JAG2: variants seen among roughly 807,000 people sequenced by gnomAD.
JAG2 encodes jagged canonical Notch ligand 2, also known as protein jagged-2.
JAG2 carries 46 observed loss-of-function variants against 141.7 expected under a neutral mutation model. The observed-to-expected ratio is 0.32, with a 90% CI of 0.26 to 0.42. The LOEUF (loss-of-function observed/expected upper bound fraction) is 0.42. Among genes scored for constraint, JAG2 ranks in the 10% least tolerant of loss-of-function variants. The pLI, the probability that JAG2 is intolerant of heterozygous loss-of-function variation, is 1.00. For synonymous variants in JAG2, 862 were observed against 763.5 expected (o/e 1.13, Z -2.13); for missense variants, 1,500 against 1,817.5 (o/e 0.83, Z 3.18).
chr14:105,161,246 G>GTTGGGGGTCTGAGT (rs1888739220), intron 2 of JAG2, among the ~76,000 whole-genome samples: 1 of 151,918 alleles, frequency 6.6e-6, no homozygotes, highest in African/African-American at 2.4e-5. Flanking sequence ...GTGAGGACTG[G>GTTGGGGGTCTGAGT]GACCCACCAG....
At position 105,168,030 on chromosome 14, in the gene JAG2, G is replaced by A. The variant is rs752405262; in HGVS notation, c.144C>T (p.Ala48=). 128 of 1,596,418 alleles carry A rather than the reference G, an allele frequency of 8.0e-5. No homozygotes were observed. In the Admixed American group the frequency reaches 2.0e-3, roughly 25 times the overall value. The change falls in exon 2 of 26, where the codon GCC becomes GCT. Residue 48 remains alanine (A), a synonymous_variant. Transcript: ENST00000331782. ...TTGTCCGGCCGTCGCCGTCACAGCAGGCGCCGCTCAGCAGCTCCCCGTTCA... is the reference window on the plus strand; with the variant it reads ...TTGTCCGGCCGTCGCCGTCACAGCAAGCGCCGCTCAGCAGCTCCCCGTTCA... ...RNVNGELLSG[A]CCDGDGRTTR...
In JAG2 at chr14:105,141,814, G is replaced by A. The variant is rs951136531; in HGVS notation, c.*881C>T. The A allele has an allele frequency of 5.2e-5, 8 of 152,588 alleles. No homozygotes were observed. Among genetic ancestry groups the A allele is most frequent in the African/African-American group, 1.7e-4 (7 of 41,486 alleles). 9.5% of individuals were successfully genotyped at this position (152,588 alleles called of 1,614,324 possible). On this transcript the variant is annotated 3_prime_UTR_variant, in exon 26 of 26. Transcript: ENST00000331782. ...CATTTACAAAAATGCACTTTCACGAGGAGGGGCGGCCGGGGCCGGCAGGTG... is the reference window on the plus strand; with the variant it reads ...CATTTACAAAAATGCACTTTCACGAAGAGGGGCGGCCGGGGCCGGCAGGTG...
chr14:105,164,740 G>C (rs1248841849), intron 2 of JAG2, among the ~76,000 whole-genome samples: 1 of 152,162 alleles, frequency 6.6e-6, no homozygotes, highest in Non-Finnish European at 1.5e-5. Flanking sequence ...GGAGGAACTG[G>C]ACAGGTCTGG....
intron 2 of JAG2, among the ~76,000 whole-genome samples, chr14:105,166,672 C>T (rs1888921156): frequency 6.6e-6 from 1 of 152,222 alleles, no homozygotes; most frequent in South Asian, 2.1e-4. Flanking sequence ...GGACTGGGAG[C>T]CACACACGGC....
intron 5 of JAG2, 100 bp from the exon 6 acceptor site, chr14:105,152,391 C>A: frequency 1.4e-6 from 2 of 1,424,214 alleles, no homozygotes; most frequent in Non-Finnish European, 1.9e-6. Flanking sequence ...CCAGGGCCGG[C>A]GGGCGGCCTC....
chr14:105,146,003 G>A (rs369360104), intron 22 of JAG2, 30 bp from the exon 23 acceptor site: 97 of 1,585,338 alleles, frequency 6.1e-5, no homozygotes, highest in Admixed American at 1.8e-4. Flanking sequence ...AGGGTCAGGC[G>A]CAGGCGCACA....
Position 105,143,654 on chromosome 14 carries a change from G to A in JAG2, c.3085-16C>T. 6.2e-7 allele frequency: 1 copy of A among 1,604,964 alleles called. No homozygotes were observed. The highest frequency in any genetic ancestry group is 8.5e-7 in the Non-Finnish European group (1 of 1,179,602). On this transcript the variant is annotated splice_polypyrimidine_tract_variant and intron_variant, in intron 24 of 25. Coordinates refer to ENST00000331782, the MANE Select transcript of JAG2 (RefSeq NM_002226.5). ...GGCTGAAGGACTGCGGCAAAGAACG[G>A]CATTGTGGGGATGGCTCGAGGGCTC...
intron 5 of JAG2, among the ~76,000 whole-genome samples, 159 bp downstream of exon 5, chr14:105,155,403 C>T (rs1035305020): frequency 6.6e-6 from 1 of 152,220 alleles, no homozygotes; most frequent in Non-Finnish European, 1.5e-5. Flanking sequence ...CACGCACCTA[C>T]TGCACTAAGG....
rs1392972049 is a variant in JAG2 at position 105,154,106 on chromosome 14, C to G, written c.788+1456G>C. ...CACTGTACCCTCCAGGCCACTCAAC[C>G]GTGGGGCCTGTGGAAGGGTCACCCA... On this transcript the variant is annotated intron_variant, in intron 5 of 25. Transcript: ENST00000331782. This position sits in a 1 kb window ranked among gnomAD's most constrained non-coding sequence, Gnocchi z 4.4. Among the ~76,000 whole-genome samples the G allele has an allele frequency of 6.6e-6, 1 of 152,152 alleles. No homozygotes were observed. Among genetic ancestry groups the G allele is most frequent in the Admixed American group, 6.5e-5 (1 of 15,282 alleles).
chr14:105,146,267 G>A (rs1394421966), intron 22 of JAG2, 118 bp downstream of exon 22: 2 of 947,518 alleles, frequency 2.1e-6, no homozygotes, highest in Non-Finnish European at 3.3e-6. Context: ...GTGTCCCTGA[G>A]GGCAGACGGC....
At chr14:105,151,241 A>C in intron 9 of JAG2, 42 bp downstream of exon 9, 1 of 1,037,670 alleles carries the variant, frequency 9.6e-7, no homozygotes, top group Non-Finnish European at 1.4e-6. Flanking sequence ...CGCAGCCCGC[A>C]TGCGCGGCCC....
chr14:105,163,038 C>T (rs1311002212), intron 2 of JAG2, among the ~76,000 whole-genome samples: 3 of 150,344 alleles, frequency 2.0e-5, no homozygotes, highest in Non-Finnish European at 2.9e-5. Context: ...GGGCCCTGCA[C>T]GGTCCAGGCC....
At chr14:105,158,475 G>A (rs916021772) in intron 2 of JAG2, among the ~76,000 whole-genome samples, 2 of 152,044 alleles carry the variant, frequency 1.3e-5, no homozygotes, top group Non-Finnish European at 2.9e-5. Flanking sequence ...CTCTGCCCCC[G>A]GGCCACCTGG....
chr14:105,148,242 G>A lies in JAG2; in HGVS notation c.2135-13C>T, dbSNP rs892457033. ...CACTGGAACTCGCCTGTTGGCACAT[G>A]GGCCGCTCAGCAGGCAGGCCCCAGA... On this transcript the variant is annotated splice_polypyrimidine_tract_variant and intron_variant, in intron 16 of 25. Transcript: ENST00000331782. 1 of 1,565,934 alleles carries A rather than the reference G, an allele frequency of 6.4e-7. No individual in the cohort carries two copies. The highest frequency in any genetic ancestry group is 1.4e-5 in the African/African-American group (1 of 73,626).
At position 105,144,872 on chromosome 14, in the gene JAG2, A is replaced by G. The variant is rs1416249823; in HGVS notation, c.3084+58T>C. On this transcript the variant is annotated intron_variant, in intron 24 of 25. Coordinates refer to ENST00000331782, the MANE Select transcript of JAG2 (RefSeq NM_002226.5). ...AGAGCCTCTGTCCAGCATAGCCAGG[A>G]CCTGCATAGTACGGGACCCAGGGCC... 1.9e-6 allele frequency: 3 copies of G among 1,578,070 alleles called. No individual in the cohort carries two copies. The Admixed American group carries it at 5.2e-5, about 28-fold the overall frequency.
intron 7 of JAG2, 42 bp downstream of exon 7, chr14:105,151,882 CCCCAGGGAACCAGT>C (rs1403062175): frequency 6.2e-7 from 1 of 1,611,466 alleles, no homozygotes; most frequent in African/African-American, 1.3e-5. Flanking sequence ...CTGACCGGCT[CCCCAGGGAACCAGT>C]CCCTGCCTGG....
chr14:105,142,610 A>G lies in JAG2; in HGVS notation c.*85T>C, dbSNP rs990731402. ...TTTTTTTACACAAAATAAAGAAACTATGCACATGGCCTCGGCCTCCGGGTC... is the reference window on the plus strand; with the variant it reads ...TTTTTTTACACAAAATAAAGAAACTGTGCACATGGCCTCGGCCTCCGGGTC... On this transcript the variant is annotated 3_prime_UTR_variant, in exon 26 of 26. Transcript: ENST00000331782. 4 of 958,222 alleles carry G rather than the reference A, an allele frequency of 4.2e-6. No individual in the cohort carries two copies. Among genetic ancestry groups the G allele is most frequent in the Non-Finnish European group, 6.2e-6 (4 of 641,506 alleles). The allele number at this position is 958,222 out of a possible 1,614,324, so 59.4% of individuals were successfully genotyped here.
Position 105,147,900 on chromosome 14 carries a change from G to A in JAG2, c.2249-12C>T, listed in dbSNP as rs954501186. 4.0e-6 allele frequency: 6 copies of A among 1,513,884 alleles called. No homozygotes were observed. The highest frequency in any genetic ancestry group is 2.8e-5 in the African/African-American group (2 of 72,254). 93.8% of individuals were successfully genotyped at this position (1,513,884 alleles called of 1,614,324 possible). On this transcript the variant is annotated splice_polypyrimidine_tract_variant and intron_variant, in intron 17 of 25. Coordinates refer to ENST00000331782, the MANE Select transcript of JAG2 (RefSeq NM_002226.5). ...GCTGCTGTTCTTGGCTGTAAGGAGA[G>A]GAGGAGGAGGGAGCGTCTCACCTGG...
In JAG2 at chr14:105,150,660, G is replaced by A. The variant is rs764287178; in HGVS notation, c.1546C>T (p.Leu516=). The A allele has an allele frequency of 2.6e-6, 4 of 1,550,170 alleles. No homozygotes were observed. The highest frequency in any genetic ancestry group is 2.4e-5 in the South Asian group (2 of 84,048). Reference sequence around the variant, plus strand: ...CAGTGGCAGTGGAAGCCGTCGGCCAGGTCCTCGCAGAGGCCGCCGCTGTGG... The same window carrying A: ...CAGTGGCAGTGGAAGCCGTCGGCCAAGTCCTCGCAGAGGCCGCCGCTGTGG... The part of the protein sequence containing the change: ...PCHSGGLCED[L]ADGFHCHCPQ... The change falls in exon 12 of 26, where the codon CTG becomes TTG. Residue 516 remains leucine (L), a synonymous_variant. Transcript: ENST00000331782.
Sources: allele counts gnomAD v4.1 joint callset (sites outside exome capture counted in the v4.1 genomes callset), GRCh38; gene constraint gnomAD v4.1.1; non-coding constraint Gnocchi (gnomAD v3.1); transcripts MANE v1.5; gene names NCBI Gene and HGNC (gene_info 2026-07-23, HGNC 2026-07-21).